DSCAML1: variants seen among roughly 807,000 people sequenced by gnomAD.
The protein encoded by DSCAML1 is cell adhesion molecule DSCAML1.
DSCAML1 carries 38 observed loss-of-function variants against 200.5 expected under a neutral mutation model. The ratio of observed to expected loss-of-function variants is 0.19; its 90% CI spans 0.15 to 0.25. DSCAML1 has a LOEUF of 0.25. Among genes scored for constraint, DSCAML1 ranks in the 10% least tolerant of loss-of-function variants. DSCAML1 has a pLI of 1.00. For missense variants in DSCAML1, 2,223 were observed against 2,858.8 expected (o/e 0.78, Z 5.07); for synonymous variants, 1,215 against 1,165.0 (o/e 1.04, Z -0.87).
intron 3 of DSCAML1, among the ~76,000 whole-genome samples, chr11:117,673,437 G>A (rs2053150861): frequency 6.6e-6 from 1 of 152,166 alleles, no homozygotes; most frequent in Non-Finnish European, 1.5e-5. Context: ...CATCATGCTT[G>A]AGAGAGTGCT....
intron 3 of DSCAML1, among the ~76,000 whole-genome samples, chr11:117,680,920 C>T (rs1392445653): frequency 2.6e-5 from 4 of 152,128 alleles, no homozygotes; most frequent in Non-Finnish European, 5.9e-5. Context: ...AAGCACAGAG[C>T]CTGACGAGGT....
intron 3 of DSCAML1, among the ~76,000 whole-genome samples, chr11:117,677,578 G>A (rs957507145): frequency 6.6e-6 from 1 of 152,044 alleles, no homozygotes; most frequent in African/African-American, 2.4e-5. Context: ...CCTGGCTTGT[G>A]GGCAGAGGGA....
chr11:117,788,441 C>T (rs1205123704), intron 1 of DSCAML1, among the ~76,000 whole-genome samples: 1 of 152,190 alleles, frequency 6.6e-6, no homozygotes, highest in African/African-American at 2.4e-5. Flanking sequence ...ATTCTCCTGC[C>T]TCAGTCTCCT....
At position 117,639,960 on chromosome 11, in the gene DSCAML1, T is replaced by A. The variant is rs1010194976; in HGVS notation, c.512-107438A>T. 2.0e-5 allele frequency among the ~76,000 whole-genome samples: 3 copies of A among 152,128 alleles called. No homozygotes were observed. In the East Asian group the frequency reaches 5.8e-4, roughly 29 times the overall value. ...GAGGGACTTTTCAACTCCCCAGGAATGTTCTCTCATGGAGGAGAAGTGAGC... is the reference window on the plus strand; with the variant it reads ...GAGGGACTTTTCAACTCCCCAGGAAAGTTCTCTCATGGAGGAGAAGTGAGC... On this transcript the variant is annotated intron_variant, in intron 3 of 32. Transcript: ENST00000651296.
At chr11:117,569,981 A>G (rs1181357822) in intron 3 of DSCAML1, among the ~76,000 whole-genome samples, 1 of 152,164 alleles carries the variant, frequency 6.6e-6, no homozygotes, top group Non-Finnish European at 1.5e-5. Context: ...AGTCATTGAG[A>G]TCTTGGATCA....
chr11:117,566,135 C>CCAT (rs2055062325), intron 3 of DSCAML1, among the ~76,000 whole-genome samples: 1 of 152,174 alleles, frequency 6.6e-6, no homozygotes, highest in South Asian at 2.1e-4. Context: ...ATCATTATCA[C>CCAT]CATCATCATC....
At chr11:117,502,331 GAAC>G (rs1409679507) in intron 11 of DSCAML1, among the ~76,000 whole-genome samples, 1 of 152,212 alleles carries the variant, frequency 6.6e-6, no homozygotes, top group Non-Finnish European at 1.5e-5. Context: ...AAAAGGCAAA[GAAC>G]AACAACAGCG....
chr11:117,777,056 T>C, intron 2 of DSCAML1, 119 bp from the exon 3 acceptor site: 1 of 1,080,250 alleles, frequency 9.3e-7, no homozygotes, highest in Non-Finnish European at 1.3e-6. Flanking sequence ...CCTTCCCACT[T>C]CTTCCTTCCC....
chr11:117,460,836 G>A (rs889544053), intron 18 of DSCAML1, among the ~76,000 whole-genome samples: 9 of 152,088 alleles, frequency 5.9e-5, no homozygotes, highest in East Asian at 1.9e-4. Context: ...GCCTTGCTGC[G>A]TGCCTGGCTC....
chr11:117,660,487 A>T (rs1486107110), intron 3 of DSCAML1, among the ~76,000 whole-genome samples: 2 of 152,164 alleles, frequency 1.3e-5, no homozygotes, highest in Non-Finnish European at 2.9e-5. Flanking sequence ...ATGAGGACTC[A>T]TTTGGTAGGC....
intron 3 of DSCAML1, among the ~76,000 whole-genome samples, chr11:117,653,946 A>G (rs554809359): frequency 6.6e-6 from 1 of 152,310 alleles, no homozygotes; most frequent in South Asian, 2.1e-4. Flanking sequence ...GGATCACTTG[A>G]GCCCACGAGT....
At chr11:117,677,417 G>C (rs937322294) in intron 3 of DSCAML1, among the ~76,000 whole-genome samples, 1 of 152,136 alleles carries the variant, frequency 6.6e-6, no homozygotes, top group Admixed American at 6.5e-5. Flanking sequence ...CCCTGTGTGT[G>C]TCAGAAGAAT....
chr11:117,505,195 T>A lies in DSCAML1; in HGVS notation c.2063-152A>T. On this transcript the variant is annotated intron_variant, in intron 9 of 32. Transcript: ENST00000651296. The surrounding 1 kb of genome is among the most constrained non-coding windows in gnomAD (Gnocchi z 6.7). ...CTGAAACCCAAGATGCTGAGAACTT[T>A]TGTTGAGTACTGGGTAGGGACTTGG... 1 of 1,252,064 alleles carries A rather than the reference T, an allele frequency of 8.0e-7. No individual in the cohort carries two copies. The highest frequency in any genetic ancestry group is 2.5e-5 in the Admixed American group (1 of 40,664). The allele number at this position is 1,252,064 out of a possible 1,614,324, so 77.6% of individuals were successfully genotyped here.
At chr11:117,797,598 A>T (rs1184711491), upstream of DSCAML1, among the ~76,000 whole-genome samples, 1 of 65,566 alleles carries the variant, frequency 1.5e-5, no homozygotes, top group Non-Finnish European at 3.1e-5. Flanking sequence ...CGGCCCCCCC[A>T]CCCTCCCCAG....
intron 3 of DSCAML1, among the ~76,000 whole-genome samples, chr11:117,740,780 G>A (rs4936405): frequency 0.88 from 134,592 of 152,308 alleles, 60,866 homozygotes; most frequent in South Asian, 0.99. Flanking sequence ...TTCAAGAAAT[G>A]AGGACTGCCA....
chr11:117,709,790 G>A (rs1284172396), intron 3 of DSCAML1: 1 of 454,298 alleles, frequency 2.2e-6, no homozygotes, highest in East Asian at 7.0e-5. Flanking sequence ...AGGAGCGGCT[G>A]TGAAAAAGAA....
Position 117,518,375 on chromosome 11 carries a change from AT to A in DSCAML1, c.1510+90del. 1.3e-6 allele frequency: 2 copies of A among 1,525,576 alleles called. No homozygotes were observed. Among genetic ancestry groups the A allele is most frequent in the Non-Finnish European group, 1.8e-6 (2 of 1,108,754 alleles). 94.5% of individuals were successfully genotyped at this position (1,525,576 alleles called of 1,614,324 possible). On this transcript the variant is annotated intron_variant, in intron 7 of 32. Transcript: ENST00000651296. This position sits in a 1 kb window ranked among gnomAD's most constrained non-coding sequence, Gnocchi z 6.3. ...ACTAAAATCAAAATGACGATTAATA[AT>A]AAGTACTAATCAGCACAAGAATAAT... is the stretch of plus-strand genomic sequence containing the variant.
intron 3 of DSCAML1, among the ~76,000 whole-genome samples, chr11:117,746,521 C>T (rs2137855537): frequency 6.6e-6 from 1 of 152,272 alleles, no homozygotes; most frequent in East Asian, 1.9e-4. Context: ...GCTTGAAGCC[C>T]TCAGGAGAGG....
In DSCAML1 at chr11:117,776,906, C is replaced by T. The variant is rs1351058098; in HGVS notation, c.396G>A (p.Glu132=). 2.5e-6 allele frequency: 4 copies of T among 1,614,144 alleles called. No individual in the cohort carries two copies. The highest frequency in any genetic ancestry group is 3.4e-6 in the Non-Finnish European group (4 of 1,180,026). ...CGTTGCCACGCATTGACCTTTGATCCTCCACCCGGACGGTGTAGGGTTCCC... is the reference window on the plus strand; with the variant it reads ...CGTTGCCACGCATTGACCTTTGATCTTCCACCCGGACGGTGTAGGGTTCCC... The part of the protein sequence containing the change: ...VFREPYTVRV[E]DQRSMRGNVA... Residue 132 remains glutamate, a synonymous_variant, in exon 3 of 33, where the codon GAG becomes GAA. Coordinates refer to ENST00000651296, the MANE Select transcript of DSCAML1 (RefSeq NM_020693.4).
Sources: gnomAD v4.1 joint callset for allele counts (sites outside exome capture counted in the v4.1 genomes callset) on GRCh38, gnomAD v4.1.1 for gene constraint, Gnocchi (gnomAD v3.1) non-coding constraint, MANE v1.5 for transcripts, NCBI Gene and HGNC (gene_info 2026-07-23, HGNC 2026-07-21) for gene names.